NCAM2: variants seen among roughly 807,000 people sequenced by gnomAD.
The protein encoded by NCAM2 is N-CAM-2.
A neutral mutation model predicts 98.1 loss-of-function variants in NCAM2; 30 were observed. The observed-to-expected ratio is 0.31, with a 90% CI of 0.23 to 0.41. The LOEUF (loss-of-function observed/expected upper bound fraction) is 0.41. NCAM2 is among the 10% of genes least tolerant of loss of function. NCAM2 has a pLI of 1.00. For missense variants in NCAM2, 867 were observed against 1,005.8 expected (o/e 0.86, Z 1.87); for synonymous variants, 368 against 342.4 (o/e 1.07, Z -0.83).
chr21:21,334,605 A>G (rs1293151600), intron 6 of NCAM2, among the ~76,000 whole-genome samples: 1 of 152,112 alleles, frequency 6.6e-6, no homozygotes, highest in Non-Finnish European at 1.5e-5. Context: ...GCAAAATACT[A>G]TTATAAGAAA....
chr21:21,373,695 T>A (rs1159283980), intron 8 of NCAM2, among the ~76,000 whole-genome samples, 168 bp from the exon 9 acceptor site: 12 of 151,726 alleles, frequency 7.9e-5, no homozygotes, highest in East Asian at 1.9e-4. Flanking sequence ...GTGTGCTTTT[T>A]AAAAAAAACT....
chr21:21,012,038 T>A (rs1320382281), intron 1 of NCAM2, among the ~76,000 whole-genome samples: 1 of 152,108 alleles, frequency 6.6e-6, no homozygotes, highest in African/African-American at 2.4e-5. Flanking sequence ...TAGAAATTAG[T>A]ACAGACATTA....
chr21:21,197,198 C>A (rs147633991), intron 1 of NCAM2, among the ~76,000 whole-genome samples: 10 of 152,312 alleles, frequency 6.6e-5, no homozygotes, highest in African/African-American at 1.7e-4. Flanking sequence ...GGCACGATCT[C>A]AGCTCACTGC....
chr21:21,516,750 G>A (rs1019409663), intron 16 of NCAM2, among the ~76,000 whole-genome samples: 3 of 151,766 alleles, frequency 2.0e-5, no homozygotes, highest in African/African-American at 7.3e-5. Flanking sequence ...CTTTTCAGTC[G>A]AGAGATTTTA....
At chr21:21,423,660 C>T (rs1361733715) in intron 11 of NCAM2, among the ~76,000 whole-genome samples, 1 of 152,072 alleles carries the variant, frequency 6.6e-6, no homozygotes, top group African/African-American at 2.4e-5. Context: ...TGATACTGTG[C>T]TTCACAATTG....
intron 1 of NCAM2, among the ~76,000 whole-genome samples, chr21:21,276,389 C>T (rs74946984): frequency 0.017 from 2,546 of 152,044 alleles, 70 homozygotes; most frequent in African/African-American, 0.058. Context: ...TTATTTCATG[C>T]ACTTCTTTGG....
chr21:21,405,086 G>A (rs1170733894), intron 9 of NCAM2, among the ~76,000 whole-genome samples: 1 of 151,836 alleles, frequency 6.6e-6, no homozygotes, highest in African/African-American at 2.4e-5. Flanking sequence ...GGAAAGTACA[G>A]TATAACAAAT....
chr21:21,418,650 C>T (rs1215137023), intron 11 of NCAM2, 81 bp downstream of exon 11: 1 of 1,002,308 alleles, frequency 1.0e-6, no homozygotes, highest in East Asian at 2.4e-5. Context: ...AAAGTGGTCT[C>T]ATTTACATGT....
intron 1 of NCAM2, among the ~76,000 whole-genome samples, chr21:21,096,352 G>T (rs931264493): frequency 2.0e-5 from 3 of 150,842 alleles, no homozygotes; most frequent in African/African-American, 7.3e-5. Context: ...CACAGTAGTG[G>T]ATTGTTAAAG....
intron 1 of NCAM2, among the ~76,000 whole-genome samples, chr21:21,076,766 A>G (rs1041366893): frequency 1.1e-4 from 17 of 152,042 alleles, no homozygotes; most frequent in Non-Finnish European, 1.8e-4. Flanking sequence ...TGAAAATAAC[A>G]TTTTTGGCTT....
intron 1 of NCAM2, among the ~76,000 whole-genome samples, chr21:21,227,988 GAA>G (rs1197651056): frequency 6.6e-6 from 1 of 151,648 alleles, no homozygotes; most frequent in East Asian, 1.9e-4. Flanking sequence ...TGTGAGATGA[GAA>G]AAATGATAAA....
At chr21:21,010,264 G>A (rs1278524730) in intron 1 of NCAM2, among the ~76,000 whole-genome samples, 10 of 147,526 alleles carry the variant, frequency 6.8e-5, no homozygotes, top group South Asian at 2.2e-4. Context: ...TGTGTGGATT[G>A]CAGGTGGTTT....
chr21:21,434,331 G>A (rs2077421273), intron 12 of NCAM2, among the ~76,000 whole-genome samples: 1 of 152,154 alleles, frequency 6.6e-6, no homozygotes, highest in Non-Finnish European at 1.5e-5. Flanking sequence ...TGCATAGAAT[G>A]TTTAGTGGCC....
intron 14 of NCAM2, among the ~76,000 whole-genome samples, chr21:21,472,553 A>C (rs1984579077): frequency 6.6e-6 from 1 of 152,044 alleles, no homozygotes; most frequent in Non-Finnish European, 1.5e-5. Context: ...TAAGAGGATG[A>C]GTTTTATTCT....
chr21:21,337,691 A>G (rs1181221989), intron 7 of NCAM2, among the ~76,000 whole-genome samples: 2 of 152,050 alleles, frequency 1.3e-5, no homozygotes, highest in Non-Finnish European at 2.9e-5. Flanking sequence ...ATATTTTAAT[A>G]TTAAGATAAT....
intron 9 of NCAM2, among the ~76,000 whole-genome samples, chr21:21,385,386 A>ACACACACC (rs1218715105): frequency 6.9e-6 from 1 of 143,888 alleles, no homozygotes; most frequent in African/African-American, 2.7e-5. Flanking sequence ...ACACACACAC[A>ACACACACC]CACACACACA....
rs201532023 is a variant in NCAM2, at chr21:21,533,166, C to CTTTTTTTTTTTTTTT, written c.2283-1358_2283-1357insTTTTTTTTTTTTTTT. ...CCATTGTAGATTTGTTGTTTGCTTG[C>CTTTTTTTTTTTTTTT]TTTTTTTTTTTTTGGTAATCCTAGT... On this transcript the variant is annotated intron_variant, in intron 16 of 17. Transcript: ENST00000400546. Among the ~76,000 whole-genome samples the CTTTTTTTTTTTTTTT allele has an allele frequency of 2.7e-3, 257 of 93,670 alleles. 16 individuals are homozygous for CTTTTTTTTTTTTTTT. Among genetic ancestry groups the CTTTTTTTTTTTTTTT allele is most frequent in the African/African-American group, 4.3e-3 (103 of 24,014 alleles). 61.5% of individuals were successfully genotyped at this position (93,670 alleles called of 152,430 possible).
chr21:21,436,843 C>T (rs1287701798), intron 12 of NCAM2, among the ~76,000 whole-genome samples: 1 of 151,346 alleles, frequency 6.6e-6, no homozygotes, highest in Non-Finnish European at 1.5e-5. Flanking sequence ...CTCACTGCAA[C>T]CTCCGCCTGC....
At chr21:21,480,626 T>G (rs990451973) in intron 15 of NCAM2, among the ~76,000 whole-genome samples, 1 of 152,096 alleles carries the variant, frequency 6.6e-6, no homozygotes, top group African/African-American at 2.4e-5. Context: ...AAAAACGTAA[T>G]TGTAAAACAT....
Sources: allele counts gnomAD v4.1 joint callset (sites outside exome capture counted in the v4.1 genomes callset), GRCh38; gene constraint gnomAD v4.1.1; transcripts MANE v1.5; gene names NCBI Gene and HGNC (gene_info 2026-07-23, HGNC 2026-07-21).